Variants in DLG2 observed in about 807,000 individuals in gnomAD.
The protein encoded by DLG2 is disks large homolog 2.
A neutral mutation model predicts 132.5 loss-of-function variants in DLG2; 45 were observed. The ratio of observed to expected loss-of-function variants is 0.34; its 90% confidence interval spans 0.27 to 0.44. DLG2 has a LOEUF of 0.44. Ranked by LOEUF, DLG2 falls within the 20% of genes least tolerant of loss-of-function variation. DLG2 has a pLI of 1.00. For missense variants in DLG2, 1,045 were observed against 1,196.9 expected (o/e 0.87, Z 1.87); for synonymous variants, 424 against 419.6 (o/e 1.01, Z -0.13).
At chr11:84,476,501 A>T (rs938431425) in intron 7 of DLG2, among the ~76,000 whole-genome samples, 7 of 152,200 alleles carry the variant, frequency 4.6e-5, no homozygotes, top group African/African-American at 1.2e-4. Flanking sequence ...ATTAATACTG[A>T]AAAGCTATGA....
At chr11:84,727,106 T>A (rs187545830) in intron 6 of DLG2, among the ~76,000 whole-genome samples, 2 of 152,362 alleles carry the variant, frequency 1.3e-5, no homozygotes, top group Admixed American at 6.5e-5. Flanking sequence ...ATTAATTAGA[T>A]CCTGTTTGTC....
At chr11:84,349,158 A>G (rs10792754) in intron 7 of DLG2, among the ~76,000 whole-genome samples, 58,238 of 152,058 alleles carry the variant, frequency 0.38, 15,841 homozygotes, top group African/African-American at 0.78. Context: ...CTCGTGTGGC[A>G]GGCTAAGTGC....
At chr11:84,819,107 A>ACACACACAC (rs58113219) in intron 6 of DLG2, among the ~76,000 whole-genome samples, 6 of 125,552 alleles carry the variant, frequency 4.8e-5, no homozygotes, top group Non-Finnish European at 7.5e-5. Flanking sequence ...ACACACACAC[A>ACACACACAC]ATTTCGTTTG....
chr11:85,461,415 C>G lies in DLG2; in HGVS notation c.40+137242G>C. Among the ~76,000 whole-genome samples, 2 of 152,234 alleles carry G rather than the reference C, an allele frequency of 1.3e-5. 1 individual carries two copies. The highest frequency in any genetic ancestry group is 4.1e-4 in the South Asian group (2 of 4,830). On this transcript the variant is annotated intron_variant, in intron 3 of 27. Transcript: ENST00000376104. ...CTTATTTTTACAAGGAAAGAGAACA[C>G]AAGAAAACTGACATTTGGGCAAAAA...
chr11:83,725,068 G>C (rs2089729439), intron 18 of DLG2: 1 of 574,380 alleles, frequency 1.7e-6, no homozygotes, highest in Non-Finnish European at 3.1e-6. Flanking sequence ...GCTAGTTTGA[G>C]ATGCTTTGCA....
intron 7 of DLG2, among the ~76,000 whole-genome samples, chr11:84,482,227 C>T (rs1264541970): frequency 3.9e-5 from 6 of 152,062 alleles, no homozygotes. Context: ...AGAATAAATG[C>T]ATAGGTAACC....
At chr11:85,293,456 G>A (rs973152433) in intron 3 of DLG2, among the ~76,000 whole-genome samples, 8 of 152,206 alleles carry the variant, frequency 5.3e-5, no homozygotes, top group East Asian at 1.9e-4. Context: ...AAACTGGCAC[G>A]GGGAGCCTCC....
intron 6 of DLG2, among the ~76,000 whole-genome samples, chr11:84,821,184 A>T (rs1233967759): frequency 6.6e-6 from 1 of 151,894 alleles, no homozygotes; most frequent in Non-Finnish European, 1.5e-5. Context: ...GTTCTCCTCC[A>T]AAGTAAAAGA....
intron 18 of DLG2, among the ~76,000 whole-genome samples, chr11:83,712,815 G>GCAC: frequency 3.9e-5 from 6 of 151,960 alleles, no homozygotes; most frequent in African/African-American, 1.5e-4. Context: ...CTGTCAGTGG[G>GCAC]GACAGGGGCA....
chr11:84,772,848 G>C (rs563075992), intron 6 of DLG2, among the ~76,000 whole-genome samples: 43 of 152,054 alleles, frequency 2.8e-4, no homozygotes, highest in Non-Finnish European at 5.3e-4. Context: ...ATATTATAAA[G>C]ATCTAAAGTT....
chr11:84,675,223 A>G (rs990954055), intron 6 of DLG2, among the ~76,000 whole-genome samples: 2 of 152,092 alleles, frequency 1.3e-5, no homozygotes, highest in African/African-American at 4.8e-5. Flanking sequence ...CAGAACATCT[A>G]TGGGTTCCAC....
At chr11:84,917,946 T>C (rs1337922812) in intron 6 of DLG2, among the ~76,000 whole-genome samples, 1 of 152,188 alleles carries the variant, frequency 6.6e-6, no homozygotes, top group Non-Finnish European at 1.5e-5. Context: ...TGACTTGTTA[T>C]GAGCCATAGG....
chr11:84,059,496 G>A lies in DLG2; in HGVS notation c.750-12C>T, dbSNP rs138305025. 6.5e-7 allele frequency: 1 copy of A among 1,547,896 alleles called. No individual in the cohort carries two copies. The highest frequency in any genetic ancestry group is 1.2e-5 in the South Asian group (1 of 80,478). ...TACAATCATTGACCCTGCAAGGAAG[G>A]AAAAGAGTCAAGATTCAGAAGTGGC... On this transcript the variant is annotated splice_polypyrimidine_tract_variant and intron_variant, in intron 10 of 27. Coordinates refer to ENST00000376104, the MANE Select transcript of DLG2 (RefSeq NM_001142699.3).
intron 22 of DLG2, chr11:83,480,509 A>T: frequency 1.3e-6 from 2 of 1,497,158 alleles, no homozygotes; most frequent in Admixed American, 2.0e-5. Flanking sequence ...CAGAAATGTG[A>T]GCGAAAGGCA....
At chr11:84,038,461 A>G (rs983445260) in intron 11 of DLG2, among the ~76,000 whole-genome samples, 2 of 152,114 alleles carry the variant, frequency 1.3e-5, no homozygotes, top group Non-Finnish European at 2.9e-5. Context: ...ATCTAACACC[A>G]GTCGGAATGG....
At chr11:85,019,556 G>T (rs1187015237) in intron 6 of DLG2, among the ~76,000 whole-genome samples, 1 of 151,908 alleles carries the variant, frequency 6.6e-6, no homozygotes, top group Non-Finnish European at 1.5e-5. Context: ...TGCCATGTTG[G>T]TGTGCTGCAC....
At chr11:84,496,535 T>C (rs1276068341) in intron 7 of DLG2, among the ~76,000 whole-genome samples, 2 of 152,202 alleles carry the variant, frequency 1.3e-5, no homozygotes, top group Admixed American at 6.5e-5. Flanking sequence ...ATCTGATTAA[T>C]GGAGGCAAGA....
At chr11:83,885,322 T>G (rs891903763) in intron 15 of DLG2, among the ~76,000 whole-genome samples, 4 of 152,168 alleles carry the variant, frequency 2.6e-5, no homozygotes, top group South Asian at 2.1e-4. Flanking sequence ...GGAGCCAATG[T>G]GATCAACTGG....
intron 6 of DLG2, among the ~76,000 whole-genome samples, chr11:85,003,909 T>C (rs2058419658): frequency 6.6e-6 from 1 of 152,132 alleles, no homozygotes; most frequent in African/African-American, 2.4e-5. Flanking sequence ...TGTGATGTTC[T>C]CCTTACTGTG....
Sources: gnomAD v4.1 joint callset for allele counts (sites outside exome capture counted in the v4.1 genomes callset) on GRCh38, gnomAD v4.1.1 for gene constraint, MANE v1.5 for transcripts, NCBI Gene and HGNC (gene_info 2026-07-23, HGNC 2026-07-21) for gene names.